The following ROBO1 variants were observed in gnomAD, a reference collection of about 807,000 sequenced individuals.
The protein encoded by ROBO1 is roundabout homolog 1.
Under a neutral mutation model 195.9 loss-of-function variants are expected in ROBO1, and 149 were observed. That is an observed-to-expected ratio of 0.76 (90% CI 0.67 to 0.87). The LOEUF (loss-of-function observed/expected upper bound fraction) is 0.87. Ranked by LOEUF, ROBO1 falls within the 40% of genes least tolerant of loss-of-function variation. The pLI is 0.00. For synonymous variants in ROBO1, 816 were observed against 733.2 expected, an observed-to-expected ratio of 1.11 and a Z score of -1.82; for missense variants, 1,933 against 2,068.3, an observed-to-expected ratio of 0.93 and a Z score of 1.27.
At chr3:79,425,330 G>C (rs947312211) in intron 2 of ROBO1, among the ~76,000 whole-genome samples, 8 of 152,084 alleles carry the variant, frequency 5.3e-5, no homozygotes, top group African/African-American at 1.9e-4. Context: ...TAAGAAGCTA[G>C]AAAACTATTT....
intron 2 of ROBO1, among the ~76,000 whole-genome samples, chr3:79,310,653 G>A (rs73122579): frequency 0.18 from 27,352 of 152,042 alleles, 2,896 homozygotes; most frequent in African/African-American, 0.3. Flanking sequence ...AGAAATGATA[G>A]ATGTTTGAGT....
chr3:79,192,399 G>T (rs1467039769), intron 2 of ROBO1, among the ~76,000 whole-genome samples: 1 of 151,614 alleles, frequency 6.6e-6, no homozygotes, highest in African/African-American at 2.4e-5. Context: ...CAACATGCAG[G>T]TAATATGTGA....
rs114358800 is a variant in ROBO1 at position 79,666,802 on chromosome 3, A to G, written c.-50-76841T>C. ...AAATTGACTAATACACTCACCATCT[A>G]TGATTTTAGATAACTTGAATTCAAA... is the stretch of plus-strand genomic sequence containing the variant. On this transcript the variant is annotated intron_variant, in intron 1 of 30. Transcript: ENST00000464233. Among the ~76,000 whole-genome samples, 1,263 of 152,032 alleles carry G rather than the reference A, an allele frequency of 8.3e-3. 9 individuals carry two copies. The highest frequency in any genetic ancestry group is 0.014 in the Non-Finnish European group (948 of 67,924).
intron 2 of ROBO1, among the ~76,000 whole-genome samples, chr3:79,519,645 A>AAAAG (rs1553757504): frequency 6.7e-5 from 10 of 150,066 alleles, no homozygotes; most frequent in Non-Finnish European, 1.0e-4. Flanking sequence ...AAAAAAAAAA[A>AAAAG]AAAAGAAAAG....
At chr3:78,988,797 CAT>C (rs1559563235) in intron 3 of ROBO1, among the ~76,000 whole-genome samples, 1 of 152,008 alleles carries the variant, frequency 6.6e-6, no homozygotes, top group Non-Finnish European at 1.5e-5. Context: ...ATAAAGGAAA[CAT>C]ATAACAGTTG....
intron 11 of ROBO1, 84 bp from the exon 12 acceptor site, chr3:78,668,649 C>T: frequency 8.6e-7 from 1 of 1,167,498 alleles, no homozygotes. Flanking sequence ...TGTATATGAT[C>T]CATGAATATG....
At chr3:79,172,014 T>C (rs2081177582) in intron 2 of ROBO1, among the ~76,000 whole-genome samples, 1 of 152,038 alleles carries the variant, frequency 6.6e-6, no homozygotes, top group South Asian at 2.1e-4. Context: ...ATTTAAAGTA[T>C]GTGATAAAGT....
chr3:79,128,459 CCTTA>C (rs763621934), intron 2 of ROBO1, among the ~76,000 whole-genome samples: 2 of 152,090 alleles, frequency 1.3e-5, no homozygotes, highest in Non-Finnish European at 2.9e-5. Context: ...AGAATGCAAA[CCTTA>C]CTTAAGTGAT....
At chr3:79,525,569 T>TA (rs1048631652) in intron 2 of ROBO1, among the ~76,000 whole-genome samples, 15 of 146,872 alleles carry the variant, frequency 1.0e-4, no homozygotes, top group South Asian at 2.1e-4. Context: ...TATATATATA[T>TA]TTTTTTTGGT....
At chr3:79,480,739 T>C (rs1575887584) in intron 2 of ROBO1, among the ~76,000 whole-genome samples, 1 of 152,128 alleles carries the variant, frequency 6.6e-6, no homozygotes, top group Non-Finnish European at 1.5e-5. Context: ...ATTCAAGAAA[T>C]TGGAGCTTGG....
chr3:78,753,363 T>C (rs983214060), intron 4 of ROBO1, among the ~76,000 whole-genome samples: 1 of 152,132 alleles, frequency 6.6e-6, no homozygotes, highest in Non-Finnish European at 1.5e-5. Context: ...ATGAACATCA[T>C]AATGACACTT....
chr3:78,879,903 G>A (rs2036081164), intron 4 of ROBO1, among the ~76,000 whole-genome samples: 1 of 152,054 alleles, frequency 6.6e-6, no homozygotes, highest in Admixed American at 6.6e-5. Flanking sequence ...AGGGACCATT[G>A]TTTCCTAGAT....
At chr3:79,320,969 A>G (rs2109128768) in intron 2 of ROBO1, among the ~76,000 whole-genome samples, 1 of 152,300 alleles carries the variant, frequency 6.6e-6, no homozygotes, top group African/African-American at 2.4e-5. Context: ...CTATAATGAA[A>G]ATAAAGGTAG....
At chr3:79,155,503 G>A (rs967799898) in intron 2 of ROBO1, among the ~76,000 whole-genome samples, 2 of 151,208 alleles carry the variant, frequency 1.3e-5, no homozygotes, top group African/African-American at 2.4e-5. Flanking sequence ...TTTCATATAT[G>A]GCAAAAGTAT....
intron 2 of ROBO1, among the ~76,000 whole-genome samples, chr3:79,251,446 G>A (rs1264628015): frequency 6.6e-6 from 1 of 152,034 alleles, no homozygotes; most frequent in African/African-American, 2.4e-5. Flanking sequence ...GTAATAACAT[G>A]TTGCATTAAA....
intron 2 of ROBO1, among the ~76,000 whole-genome samples, chr3:79,557,555 G>A (rs935669828): frequency 2.0e-5 from 3 of 151,388 alleles, no homozygotes; most frequent in Non-Finnish European, 4.4e-5. Flanking sequence ...CCAACAAGGC[G>A]AAACCCTGTC....
chr3:78,632,639 C>T (rs187411107), intron 24 of ROBO1, among the ~76,000 whole-genome samples: 208 of 152,250 alleles, frequency 1.4e-3, no homozygotes, highest in Middle Eastern at 3.4e-3. Context: ...CATCTTTTTA[C>T]CATATATTCA....
intron 4 of ROBO1, among the ~76,000 whole-genome samples, chr3:78,771,242 T>G (rs183559029): frequency 6.6e-6 from 1 of 152,194 alleles, no homozygotes. Flanking sequence ...TCTATTCCAT[T>G]GCACTGGTCT....
At chr3:79,665,647 T>C (rs1946456257) in intron 1 of ROBO1, among the ~76,000 whole-genome samples, 1 of 151,902 alleles carries the variant, frequency 6.6e-6, no homozygotes, top group African/African-American at 2.4e-5. Context: ...GATCACCACC[T>C]AAAAATTTCA....
Sources: gnomAD v4.1 joint callset for allele counts (sites outside exome capture counted in the v4.1 genomes callset) on GRCh38, gnomAD v4.1.1 for gene constraint, MANE v1.5 for transcripts, NCBI Gene and HGNC (gene_info 2026-07-23, HGNC 2026-07-21) for gene names.